The following NAALADL2 variants were observed in gnomAD, a reference collection of about 807,000 sequenced individuals.
NAALADL2 encodes the protein N-acetylated alpha-linked acidic dipeptidase like 2.
In NAALADL2, 76 loss-of-function variants were observed where a neutral mutation model predicts 87.2. That is an observed-to-expected ratio of 0.87 (90% CI 0.72 to 1.05). NAALADL2 has a LOEUF of 1.05. Among genes scored for constraint, NAALADL2 ranks in the 50% least tolerant of loss-of-function variants. The probability of loss-of-function intolerance (pLI) is 0.00; values close to 1 mark genes in which losing one functional copy is unlikely to be tolerated. For synonymous variants in NAALADL2, 354 were observed against 331.0 expected, an observed-to-expected ratio of 1.07 and a Z score of -0.75; for missense variants, 1,089 against 945.8, an observed-to-expected ratio of 1.15 and a Z score of -1.99.
At chr3:175,426,597 C>T (rs756069866) in intron 5 of NAALADL2, among the ~76,000 whole-genome samples, 8 of 152,136 alleles carry the variant, frequency 5.3e-5, no homozygotes, top group Non-Finnish European at 7.4e-5. Context: ...GGCAATTCAA[C>T]GTTTGAATCT....
chr3:175,668,594 G>C (rs1733528407), intron 11 of NAALADL2, among the ~76,000 whole-genome samples: 1 of 151,908 alleles, frequency 6.6e-6, no homozygotes, highest in Admixed American at 6.6e-5. Context: ...GCCACTCTTG[G>C]TAGTTTATAT....
At chr3:175,436,414 A>G (rs1254157589) in intron 5 of NAALADL2, among the ~76,000 whole-genome samples, 1 of 148,096 alleles carries the variant, frequency 6.8e-6, no homozygotes, top group Non-Finnish European at 1.5e-5. Context: ...TAGATCCCTG[A>G]GGAATCGCCA....
chr3:174,565,903 T>C (rs1282846907), intron 2 of NAALADL2, among the ~76,000 whole-genome samples: 1 of 152,070 alleles, frequency 6.6e-6, no homozygotes. Context: ...TCCTTTTGTA[T>C]AGCTGAAGAA....
rs13066921 is a variant in NAALADL2, at chr3:175,667,239, G to A, written c.1896+39853G>A. Reference sequence around the variant, plus strand: ...AGAAAGAAAGAAAGAAAGAAAGAAAGAAAAAGAAAGAAAGAAAGAAAGAAA... The same window carrying A: ...AGAAAGAAAGAAAGAAAGAAAGAAAAAAAAAGAAAGAAAGAAAGAAAGAAA... On this transcript the variant is annotated intron_variant, in intron 11 of 13. Transcript: ENST00000454872. 6.4e-3 allele frequency among the ~76,000 whole-genome samples: 526 copies of A among 81,820 alleles called. 1 individual carries two copies. Among genetic ancestry groups the A allele is most frequent in the African/African-American group, 0.013 (193 of 14,566 alleles). The allele number at this position is 81,820 out of a possible 152,430, so 53.7% of individuals were successfully genotyped here. A position where few individuals can be genotyped will look rare whatever the true frequency, so the allele number is the denominator to read the frequency against.
At chr3:174,903,973 A>T (rs565077632) in intron 1 of NAALADL2, among the ~76,000 whole-genome samples, 18 of 151,312 alleles carry the variant, frequency 1.2e-4, no homozygotes, top group Admixed American at 7.3e-4. Context: ...CTATATCTAT[A>T]TCTATATCTA....
intron 1 of NAALADL2, among the ~76,000 whole-genome samples, chr3:174,987,476 G>A (rs956529264): frequency 1.4e-5 from 2 of 141,370 alleles, no homozygotes; most frequent in Admixed American, 1.4e-4. Flanking sequence ...GGCTGAGGCA[G>A]GAGAATGGCG....
At chr3:175,628,399 A>G (rs1727293891) in intron 11 of NAALADL2, among the ~76,000 whole-genome samples, 1 of 151,526 alleles carries the variant, frequency 6.6e-6, no homozygotes, top group Non-Finnish European at 1.5e-5. Context: ...ATAAGTTGTG[A>G]AATGTGTGTA....
At chr3:175,732,826 T>G (rs1252261903) in intron 11 of NAALADL2, among the ~76,000 whole-genome samples, 1 of 120,736 alleles carries the variant, frequency 8.3e-6, no homozygotes, top group Non-Finnish European at 1.7e-5. Flanking sequence ...CTCAAAGGAA[T>G]AAAAAGTTAT....
chr3:174,924,265 A>G (rs1172193745), intron 1 of NAALADL2, among the ~76,000 whole-genome samples: 4 of 125,498 alleles, frequency 3.2e-5, no homozygotes, highest in East Asian at 5.1e-4. Context: ...CCTGTGTCCA[A>G]CTGTTCTCAT....
intron 1 of NAALADL2, among the ~76,000 whole-genome samples, chr3:174,974,676 A>C (rs1047089786): frequency 6.6e-6 from 1 of 152,198 alleles, no homozygotes; most frequent in Non-Finnish European, 1.5e-5. Context: ...AAGATGCTTG[A>C]AAATGGAGCT....
chr3:175,419,011 C>CTT (rs1221648284), intron 5 of NAALADL2, among the ~76,000 whole-genome samples: 3 of 143,262 alleles, frequency 2.1e-5, no homozygotes, highest in African/African-American at 2.5e-5. Context: ...TTTTCTTTTT[C>CTT]TTTTTTTTTT....
chr3:174,694,412 A>C (rs552359505), intron 2 of NAALADL2, among the ~76,000 whole-genome samples: 1 of 152,036 alleles, frequency 6.6e-6, no homozygotes, highest in Non-Finnish European at 1.5e-5. Context: ...ATATCTTTGC[A>C]TACCTATTAT....
chr3:174,802,287 A>G (rs1040111404), intron 3 of NAALADL2, among the ~76,000 whole-genome samples: 3 of 152,200 alleles, frequency 2.0e-5, no homozygotes, highest in African/African-American at 7.2e-5. Context: ...ACATTAAACA[A>G]ATGGCACAAA....
chr3:174,609,201 A>G (rs1467265842), intron 2 of NAALADL2, among the ~76,000 whole-genome samples: 1 of 152,200 alleles, frequency 6.6e-6, no homozygotes, highest in Non-Finnish European at 1.5e-5. Flanking sequence ...CCCCACAGCC[A>G]ATATCATATT....
At chr3:175,230,590 G>A (rs1413104366) in intron 2 of NAALADL2, among the ~76,000 whole-genome samples, 5 of 152,042 alleles carry the variant, frequency 3.3e-5, no homozygotes, top group East Asian at 1.9e-4. Flanking sequence ...ATTGTAGAGC[G>A]GAAATTAGAT....
chr3:174,751,970 T>TTTTTTC (rs1390685935), intron 3 of NAALADL2, among the ~76,000 whole-genome samples: 1 of 152,050 alleles, frequency 6.6e-6, no homozygotes, highest in African/African-American at 2.4e-5. Context: ...TTTCTTTTAT[T>TTTTTTC]TTTTTCTTTT....
intron 6 of NAALADL2, among the ~76,000 whole-genome samples, chr3:175,461,774 A>G (rs754621856): frequency 6.6e-6 from 1 of 152,230 alleles, no homozygotes; most frequent in Non-Finnish European, 1.5e-5. Context: ...TAAGGTAAAG[A>G]GTCTATAAAG....
chr3:174,922,447 A>G (rs894676656), intron 1 of NAALADL2, among the ~76,000 whole-genome samples: 4 of 152,204 alleles, frequency 2.6e-5, no homozygotes, highest in African/African-American at 9.7e-5. Flanking sequence ...AATATTAACA[A>G]CATAAATAGC....
intron 3 of NAALADL2, among the ~76,000 whole-genome samples, chr3:174,836,002 T>C (rs538970838): frequency 1.3e-5 from 2 of 152,334 alleles, no homozygotes; most frequent in African/African-American, 4.8e-5. Context: ...TCTGGTTATA[T>C]ACGTAAAGTA....
Sources: allele counts gnomAD v4.1 joint callset (sites outside exome capture counted in the v4.1 genomes callset), GRCh38; gene constraint gnomAD v4.1.1; transcripts MANE v1.5; gene names NCBI Gene and HGNC (gene_info 2026-07-23, HGNC 2026-07-21).